ZCWPW2: variants seen among roughly 807,000 people sequenced by gnomAD.
ZCWPW2 encodes zinc finger CW-type PWWP domain protein 2.
A neutral mutation model predicts 46.6 loss-of-function variants in ZCWPW2; 45 were observed. The ratio of observed to expected loss-of-function variants is 0.96; its 90% confidence interval spans 0.76 to 1.24. The LOEUF is 1.24. ZCWPW2 is among the 50% of genes most tolerant of loss of function. ZCWPW2 has a pLI of 0.00. For missense variants in ZCWPW2, 429 were observed against 403.9 expected (o/e 1.06, Z -0.53); for synonymous variants, 152 against 137.1 (o/e 1.11, Z -0.76).
chr3:28,422,031 T>G (rs1041752784), intron 3 of ZCWPW2, among the ~76,000 whole-genome samples: 1 of 152,154 alleles, frequency 6.6e-6, no homozygotes, highest in Non-Finnish European at 1.5e-5. Context: ...TTTATTTATT[T>G]TAAGTAATTG....
chr3:28,367,464 T>A (rs1705162305), intron 1 of ZCWPW2, among the ~76,000 whole-genome samples: 1 of 152,176 alleles, frequency 6.6e-6, no homozygotes, highest in Middle Eastern at 3.2e-3. Flanking sequence ...TTTGAGTGAG[T>A]TTCTTAATCC....
rs60365509 is a variant in ZCWPW2, at chr3:28,525,465, T to TCTTGCTTTACATACACTAAA, written c.*777_*778insCTTGCTTTACATACACTAAA. Among the ~76,000 whole-genome samples, 1 of 151,948 alleles carries TCTTGCTTTACATACACTAAA rather than the reference T, an allele frequency of 6.6e-6. No individual in the cohort carries two copies. The highest frequency in any genetic ancestry group is 1.9e-4 in the East Asian group (1 of 5,174). ...CAGTTTTAGTAGATATCCTTCTAGATATGTGTGGGCATTCACACCTATCTT... is the reference window on the plus strand; with the variant it reads ...CAGTTTTAGTAGATATCCTTCTAGATCTTGCTTTACATACACTAAAATGTGTGGGCATTCACACCTATCTT... On this transcript the variant is annotated 3_prime_UTR_variant, in exon 10 of 10. Transcript: ENST00000383768.
chr3:28,367,353 C>G (rs1705158204), intron 1 of ZCWPW2, among the ~76,000 whole-genome samples: 1 of 152,142 alleles, frequency 6.6e-6, no homozygotes, highest in African/African-American at 2.4e-5. Context: ...TGTCTTTGTT[C>G]TCGTTTGTTT....
At chr3:28,500,427 G>A (rs547719467) in intron 6 of ZCWPW2, among the ~76,000 whole-genome samples, 2 of 152,070 alleles carry the variant, frequency 1.3e-5, no homozygotes, top group South Asian at 4.2e-4. Flanking sequence ...TTACCAACTG[G>A]AAAAGGATCT....
chr3:28,483,216 T>C (rs1044044300), intron 5 of ZCWPW2, among the ~76,000 whole-genome samples: 1 of 152,208 alleles, frequency 6.6e-6, no homozygotes, highest in African/African-American at 2.4e-5. Context: ...GGATGTCCAG[T>C]TGTTCCTGCA....
intron 5 of ZCWPW2, 89 bp downstream of exon 5, chr3:28,479,020 C>CT: frequency 3.8e-6 from 3 of 788,504 alleles, no homozygotes; most frequent in Non-Finnish European, 6.0e-6. Context: ...TCAAAAATCT[C>CT]TATCTCTTTC....
chr3:28,414,118 A>C (rs1696531011), intron 3 of ZCWPW2, among the ~76,000 whole-genome samples: 1 of 151,382 alleles, frequency 6.6e-6, no homozygotes. Context: ...TGATTTTCTT[A>C]TTTTAGGATT....
At chr3:28,435,389 T>C in intron 4 of ZCWPW2, 120 bp downstream of exon 4, 1 of 821,376 alleles carries the variant, frequency 1.2e-6, no homozygotes, top group Non-Finnish European at 1.7e-6. Context: ...GTATGCTGTT[T>C]ATTTAATTCA....
rs754784369 is a variant in ZCWPW2 at position 28,429,810 on chromosome 3, A to G, written c.333-5300A>G. ...AAATGCAGCTCAGACTGTTGCTTCA[A>G]AGGGTACAAGCCCCAAGCCTTGGCA... On this transcript the variant is annotated intron_variant, in intron 3 of 9. Transcript: ENST00000383768. Among the ~76,000 whole-genome samples the G allele has an allele frequency of 3.5e-3, 528 of 152,298 alleles. 6 individuals carry two copies. The highest frequency in any genetic ancestry group is 3.9e-3 in the Non-Finnish European group (262 of 68,016).
intron 4 of ZCWPW2, among the ~76,000 whole-genome samples, chr3:28,470,443 G>A (rs1169139762): frequency 2.0e-5 from 3 of 148,872 alleles, no homozygotes; most frequent in Non-Finnish European, 4.4e-5. Context: ...GCAGTGAGCC[G>A]AGATCGCGTC....
At chr3:28,429,027 A>C (rs996778622) in intron 3 of ZCWPW2, among the ~76,000 whole-genome samples, 3 of 152,200 alleles carry the variant, frequency 2.0e-5, no homozygotes, top group Non-Finnish European at 4.4e-5. Flanking sequence ...GGCTGCTGCT[A>C]TAAGGATACC....
intron 4 of ZCWPW2, among the ~76,000 whole-genome samples, chr3:28,438,538 C>T (rs1697591287): frequency 6.6e-6 from 1 of 152,096 alleles, no homozygotes; most frequent in Admixed American, 6.6e-5. Context: ...AAAACAATAA[C>T]AAAAACAGCA....
intron 4 of ZCWPW2, among the ~76,000 whole-genome samples, chr3:28,453,280 C>T (rs887415138): frequency 6.6e-6 from 1 of 152,136 alleles, no homozygotes; most frequent in Non-Finnish European, 1.5e-5. Context: ...TTCGCAGCAC[C>T]AACTAAATTG....
chr3:28,510,855 T>C, intron 6 of ZCWPW2: 1 of 255,902 alleles, frequency 3.9e-6, no homozygotes, highest in East Asian at 8.8e-5. Flanking sequence ...TGTACAAATG[T>C]CTTAACTGTA....
chr3:28,483,378 G>T (rs1699494918), intron 5 of ZCWPW2, among the ~76,000 whole-genome samples: 1 of 152,070 alleles, frequency 6.6e-6, no homozygotes, highest in Non-Finnish European at 1.5e-5. Flanking sequence ...ACACTGTATT[G>T]ATTACTGCAG....
At chr3:28,380,201 G>A (rs1479697238) in intron 1 of ZCWPW2, among the ~76,000 whole-genome samples, 1 of 151,982 alleles carries the variant, frequency 6.6e-6, no homozygotes, top group African/African-American at 2.4e-5. Context: ...AGCCAGGATG[G>A]TCTCGATCTC....
intron 2 of ZCWPW2, among the ~76,000 whole-genome samples, chr3:28,399,205 C>T (rs1434986937): frequency 6.6e-6 from 1 of 152,104 alleles, no homozygotes; most frequent in African/African-American, 2.4e-5. Context: ...GTGTAGACAG[C>T]CGTAATCCCG....
At chr3:28,373,936 C>T (rs1705422470) in intron 1 of ZCWPW2, among the ~76,000 whole-genome samples, 1 of 152,154 alleles carries the variant, frequency 6.6e-6, no homozygotes, top group Non-Finnish European at 1.5e-5. Context: ...TATTTTCTCT[C>T]ATTCTGTAGG....
intron 7 of ZCWPW2, among the ~76,000 whole-genome samples, chr3:28,514,812 G>A (rs1389126627): frequency 6.6e-6 from 1 of 152,148 alleles, no homozygotes; most frequent in African/African-American, 2.4e-5. Flanking sequence ...AAGTTTTAGT[G>A]TTTATCGTTG....
Sources: gnomAD v4.1 joint callset for allele counts (sites outside exome capture counted in the v4.1 genomes callset) on GRCh38, gnomAD v4.1.1 for gene constraint, MANE v1.5 for transcripts, NCBI Gene and HGNC (gene_info 2026-07-23, HGNC 2026-07-21) for gene names.